The following LIPG variants were observed in gnomAD, a reference collection of about 807,000 sequenced individuals.
The protein encoded by LIPG is lipase G, endothelial type.
A neutral mutation model predicts 51.8 loss-of-function variants in LIPG; 34 were observed. The observed-to-expected ratio is 0.66, with a 90% CI of 0.50 to 0.87. The LOEUF (loss-of-function observed/expected upper bound fraction) is 0.87, where lower values mean the gene tolerates loss of function less well. Among genes scored for constraint, LIPG ranks in the 40% least tolerant of loss-of-function variants. The probability of loss-of-function intolerance (pLI) is 0.00; values close to 1 mark genes in which losing one functional copy is unlikely to be tolerated. For missense variants in LIPG, 580 were observed against 652.7 expected, an observed-to-expected ratio of 0.89 and a Z score of 1.21; for synonymous variants, 246 against 246.1, an observed-to-expected ratio of 1.00 and a Z score of 0.00.
Position 49,586,806 on chromosome 18 carries a change from G to GT in LIPG, c.1440dup (p.Arg481SerfsTer47). The GT allele has an allele frequency of 6.2e-7, 1 of 1,614,140 alleles. No individual in the cohort carries two copies. The highest frequency in any genetic ancestry group is 1.6e-4 in the Middle Eastern group (1 of 6,062). On this transcript the variant is annotated frameshift_variant, in exon 9 of 10. Transcript: ENST00000261292. LOFTEE classifies it high-confidence loss of function. Reference sequence around the variant, plus strand: ...GCATATCCCCAGGCCGGGAGCTCTGGTTTCGCAAGTGTCGGGATGGCTGGA... The same window carrying GT: ...GCATATCCCCAGGCCGGGAGCTCTGGTTTTCGCAAGTGTCGGGATGGCTGGA...
At chr18:49,580,876 C>G (rs921464655) in intron 5 of LIPG, among the ~76,000 whole-genome samples, 2 of 152,126 alleles carry the variant, frequency 1.3e-5, no homozygotes, top group Non-Finnish European at 2.9e-5. Context: ...GCTGTCTTCC[C>G]ATCAAGAGAG....
Position 49,598,731 on chromosome 18 carries a change from C to A in LIPG, c.*8209C>A, listed in dbSNP as rs1024796965. On this transcript the variant is annotated 3_prime_UTR_variant, in exon 10 of 10. Coordinates refer to ENST00000261292, the MANE Select transcript of LIPG (RefSeq NM_006033.4). ...ATCGAGATTGTGAACATACCACCAC[C>A]AGAAGTTTTCTTGTGCCCCTTTGTA... 2 of 152,232 alleles carry A rather than the reference C, an allele frequency of 1.3e-5. No individual in the cohort carries two copies. The highest frequency in any genetic ancestry group is 4.8e-5 in the African/African-American group (2 of 41,458). The allele number at this position is 152,232 out of a possible 1,614,324, so 9.4% of individuals were successfully genotyped here. A position where few individuals can be genotyped will look rare whatever the true frequency, so the allele number is the denominator to read the frequency against.
Position 49,567,478 on chromosome 18 carries a change from G to A in LIPG, c.316G>A (p.Val106Met), listed in dbSNP as rs776866582. The part of the protein sequence containing the change: ...GIFENWLHKL[V>M]SALHTREKDA... Reference sequence around the variant, plus strand: ...CTTTGAAAACTGGCTGCACAAACTCGTGTCAGCCCTGCACACAAGAGAGAA... The same window carrying A: ...CTTTGAAAACTGGCTGCACAAACTCATGTCAGCCCTGCACACAAGAGAGAA... The change falls in exon 3 of 10, where the codon GTG becomes ATG. Residue 106 changes from valine to methionine, a missense_variant. By Grantham distance (21) the Val-to-Met change is conservative (BLOSUM62 1). Coordinates refer to ENST00000261292, the MANE Select transcript of LIPG (RefSeq NM_006033.4). 7.4e-6 allele frequency: 12 copies of A among 1,614,014 alleles called. No individual in the cohort carries two copies. Among genetic ancestry groups the A allele is most frequent in the East Asian group, 2.2e-5 (1 of 44,896 alleles).
rs907907265 is a variant in LIPG at position 49,592,799 on chromosome 18, C to T, written c.*2277C>T. On this transcript the variant is annotated 3_prime_UTR_variant, in exon 10 of 10. Coordinates refer to ENST00000261292, the MANE Select transcript of LIPG (RefSeq NM_006033.4). ...GCTATTTGGAAGACTATTTATTTCT[C>T]GTGTATATAATGTATATAAAAAAAT... 6.6e-6 allele frequency: 1 copy of T among 151,074 alleles called. No homozygotes were observed. The highest frequency in any genetic ancestry group is 1.5e-5 in the Non-Finnish European group (1 of 67,936). 9.4% of individuals were successfully genotyped at this position (151,074 alleles called of 1,614,324 possible).
intron 9 of LIPG, among the ~76,000 whole-genome samples, chr18:49,588,053 G>T (rs777231238): frequency 6.6e-6 from 1 of 152,112 alleles, no homozygotes; most frequent in Non-Finnish European, 1.5e-5. Context: ...GCCTCCCAGA[G>T]TGCTGGGATT....
At position 49,569,437 on chromosome 18, in the gene LIPG, G is replaced by A. The variant is rs781114281; in HGVS notation, c.460G>A (p.Glu154Lys). 12 of 1,613,962 alleles carry A rather than the reference G, an allele frequency of 7.4e-6. No homozygotes were observed. The highest frequency in any genetic ancestry group is 1.0e-5 in the Non-Finnish European group (12 of 1,179,940). Residue 154 changes from glutamate (E) to lysine (K), a missense_variant and splice_region_variant, in exon 4 of 10, where the codon GAG (glutamate) becomes AAG (lysine). By Grantham distance (56) the Glu-to-Lys change is moderately conservative (BLOSUM62 1). Coordinates refer to ENST00000261292, the MANE Select transcript of LIPG (RefSeq NM_006033.4). ...SIARMLDWLQ[E>K]KDDFSLGNVH... ...CACATACTTTGGTGACTTTCTATAGGAGAAGGACGATTTTTCTCTCGGGAA... is the reference window on the plus strand; with the variant it reads ...CACATACTTTGGTGACTTTCTATAGAAGAAGGACGATTTTTCTCTCGGGAA...
At chr18:49,561,906 TTTCA>T (rs1284995982), upstream of LIPG, 10 of 1,330,280 alleles carry the variant, frequency 7.5e-6, no homozygotes, top group African/African-American at 1.5e-5. Flanking sequence ...TGTGCAGCGC[TTTCA>T]TTCAAACTTT....
At chr18:49,584,341 G>T (rs1275178251) in intron 8 of LIPG, among the ~76,000 whole-genome samples, 1 of 152,170 alleles carries the variant, frequency 6.6e-6, no homozygotes, top group Non-Finnish European at 1.5e-5. Context: ...ACACTAGCTG[G>T]CAGTTTCCCA....
chr18:49,567,383 C>T (rs1310733223), intron 2 of LIPG, 59 bp from the exon 3 acceptor site: 1 of 1,535,152 alleles, frequency 6.5e-7, no homozygotes, highest in African/African-American at 1.4e-5. Flanking sequence ...AAAGGAATTC[C>T]ATATTTTTTA....
chr18:49,582,259 A>G (rs996495526), intron 6 of LIPG, 103 bp from the exon 7 acceptor site: 18 of 1,471,358 alleles, frequency 1.2e-5, no homozygotes, highest in Non-Finnish European at 1.6e-5. Flanking sequence ...AACCAAAAGA[A>G]CACCAGCCCT....
At chr18:49,569,384 TGGG>T (rs1274449778) in intron 3 of LIPG, 50 bp from the exon 4 acceptor site, 17 of 1,459,652 alleles carry the variant, frequency 1.2e-5, no homozygotes, top group Non-Finnish European at 1.5e-5. Context: ...CTGGTGATTC[TGGG>T]GGCTCTGGAC....
At chr18:49,583,828 G>A in intron 8 of LIPG, 54 bp downstream of exon 8, 1 of 1,492,792 alleles carries the variant, frequency 6.7e-7, no homozygotes, top group Non-Finnish European at 9.1e-7. Flanking sequence ...ACAGAAGGCT[G>A]TGCCTGTGAC....
Position 49,583,548 on chromosome 18 carries a change from A to C in LIPG, c.1158-8A>C. 1 of 1,613,514 alleles carries C rather than the reference A, an allele frequency of 6.2e-7. No individual in the cohort carries two copies. The highest frequency in any genetic ancestry group is 8.5e-7 in the Non-Finnish European group (1 of 1,179,594). ...GGGGAGTGAGATCAGCTTCTCTCCCACTTGTAGAGTGGAGCGGATCGAGCA... is the reference window on the plus strand; with the variant it reads ...GGGGAGTGAGATCAGCTTCTCTCCCCCTTGTAGAGTGGAGCGGATCGAGCA... On this transcript the variant is annotated splice_region_variant and splice_polypyrimidine_tract_variant and intron_variant, in intron 7 of 9. Transcript: ENST00000261292.
Position 49,596,781 on chromosome 18 carries a change from G to T in LIPG, c.*6259G>T. 1 of 152,260 alleles carries T rather than the reference G, an allele frequency of 6.6e-6. No homozygotes were observed. The highest frequency in any genetic ancestry group is 1.9e-4 in the East Asian group (1 of 5,212). 9.4% of individuals were successfully genotyped at this position (152,260 alleles called of 1,614,324 possible). A position where few individuals can be genotyped will look rare whatever the true frequency, so the allele number is the denominator to read the frequency against. On this transcript the variant is annotated 3_prime_UTR_variant, in exon 10 of 10. Coordinates refer to ENST00000261292, the MANE Select transcript of LIPG (RefSeq NM_006033.4). ...CTGGTCCCCTGGTGCCCCCTTTCCT[G>T]GCCCCTGTGACATATTGTCATGTAG...
In LIPG at chr18:49,569,502, C is replaced by G. The variant is rs143163964; in HGVS notation, c.525C>G (p.Ala175=). Reference sequence around the variant, plus strand: ...GCTACAGCCTCGGAGCGCACGTGGCCGGGTATGCAGGCAACTTCGTGAAAG... The same window carrying G: ...GCTACAGCCTCGGAGCGCACGTGGCGGGGTATGCAGGCAACTTCGTGAAAG... ...LIGYSLGAHV[A]GYAGNFVKGT... is the part of the protein sequence containing the mutation. The change falls in exon 4 of 10, where the codon GCC becomes GCG. Residue 175 remains alanine (A), a synonymous_variant. Transcript: ENST00000261292. 6.0e-5 allele frequency: 97 copies of G among 1,614,170 alleles called. No individual in the cohort carries two copies. The African/African-American group carries it at 1.2e-3, about 20-fold the overall frequency.
intron 1 of LIPG, among the ~76,000 whole-genome samples, chr18:49,562,831 A>G (rs1322665473): frequency 6.6e-6 from 1 of 152,128 alleles, no homozygotes. Flanking sequence ...AGGTGTCTTG[A>G]AAGTTCAGGT....
intron 7 of LIPG, among the ~76,000 whole-genome samples, chr18:49,583,190 G>A (rs1194188975): frequency 6.6e-6 from 1 of 152,190 alleles, no homozygotes; most frequent in Non-Finnish European, 1.5e-5. Context: ...CTTTCCTTCA[G>A]AGGTTCTAAG....
intron 5 of LIPG, among the ~76,000 whole-genome samples, chr18:49,579,792 T>TCCTTTCCTTTCCTTTC (rs1568533574): frequency 2.1e-5 from 3 of 139,660 alleles, no homozygotes; most frequent in Admixed American, 7.1e-5. Context: ...TCTTTTCTTT[T>TCCTTTCCTTTCCTTTC]CTTTTCTTTT....
intron 4 of LIPG, among the ~76,000 whole-genome samples, chr18:49,574,708 C>G (rs934306447): frequency 6.6e-6 from 1 of 152,084 alleles, no homozygotes; most frequent in South Asian, 2.1e-4. Context: ...CTTGCCTGCT[C>G]AACACAAAAT....
Sources: gnomAD v4.1 joint callset for allele counts (sites outside exome capture counted in the v4.1 genomes callset) on GRCh38, gnomAD v4.1.1 for gene constraint, MANE v1.5 for transcripts, NCBI Gene and HGNC (gene_info 2026-07-23, HGNC 2026-07-21) for gene names.